NBEA: variants seen among roughly 807,000 people sequenced by gnomAD.
NBEA encodes the protein lysosomal-trafficking regulator 2.
NBEA carries 44 observed loss-of-function variants against 343.4 expected under a neutral mutation model. The observed-to-expected ratio is 0.13, with a 90% confidence interval of 0.10 to 0.16. NBEA has a LOEUF of 0.16. Ranked by LOEUF, NBEA falls within the 10% of genes least tolerant of loss-of-function variation. The pLI, the probability that NBEA is intolerant of heterozygous loss-of-function variation, is 1.00. For missense variants in NBEA, 2,555 were observed against 3,631.3 expected, an observed-to-expected ratio of 0.70 and a Z score of 7.62; for synonymous variants, 1,175 against 1,238.7, an observed-to-expected ratio of 0.95 and a Z score of 1.08.
intron 38 of NBEA, among the ~76,000 whole-genome samples, chr13:35,430,111 C>A (rs760676066): frequency 1.2e-4 from 19 of 152,042 alleles, no homozygotes; most frequent in Non-Finnish European, 2.4e-4. Flanking sequence ...CTCACCACAT[C>A]CACACCAACA....
chr13:35,475,143 G>C (rs780546655), intron 41 of NBEA: 2 of 1,614,166 alleles, frequency 1.2e-6, no homozygotes, highest in South Asian at 2.2e-5. Context: ...CCAGAGCTGA[G>C]TGAGGTTTGC....
At position 35,638,434 on chromosome 13, in the gene NBEA, C is replaced by A. The variant is rs983724770; in HGVS notation, c.7618-7435C>A. On this transcript the variant is annotated intron_variant, in intron 49 of 58. Coordinates refer to ENST00000379939, the MANE Select transcript of NBEA (RefSeq NM_001385012.1). The stretch of plus-strand genomic sequence containing the variant: ...GTGCTCACCCAACAAGAGCTGTGGC[C>A]TTAGGTAGAGGAGTACTGGCCAGGC... Among the ~76,000 whole-genome samples the A allele has an allele frequency of 3.9e-5, 6 of 152,252 alleles. No homozygotes were observed. In the East Asian group the frequency reaches 9.7e-4, roughly 25 times the overall value.
At chr13:35,468,117 C>T (rs1204330686) in intron 40 of NBEA, among the ~76,000 whole-genome samples, 1 of 148,308 alleles carries the variant, frequency 6.7e-6, no homozygotes, top group Non-Finnish European at 1.5e-5. Context: ...CACCCCCCCC[C>T]CACTCCCCTC....
intron 45 of NBEA, among the ~76,000 whole-genome samples, chr13:35,582,772 T>G (rs960377303): frequency 3.3e-5 from 5 of 152,186 alleles, no homozygotes; most frequent in Non-Finnish European, 5.9e-5. Flanking sequence ...GACTTTTTAC[T>G]GCTGATGACC....
At chr13:35,388,213 T>A (rs1157693155) in intron 38 of NBEA, among the ~76,000 whole-genome samples, 1 of 152,146 alleles carries the variant, frequency 6.6e-6, no homozygotes. Context: ...ATGTACTCAT[T>A]TTGACGATAG....
intron 10 of NBEA, among the ~76,000 whole-genome samples, chr13:35,084,085 A>G (rs2064586910): frequency 6.6e-6 from 1 of 152,198 alleles, no homozygotes; most frequent in South Asian, 2.1e-4. Context: ...GCAAGTCCTT[A>G]GAGACCTAGA....
intron 34 of NBEA, among the ~76,000 whole-genome samples, chr13:35,241,274 C>G: frequency 6.6e-6 from 1 of 151,652 alleles, no homozygotes; most frequent in East Asian, 1.9e-4. Flanking sequence ...GAACAGATCC[C>G]ACATACATAT....
chr13:35,601,692 G>T (rs1275191962), intron 47 of NBEA, among the ~76,000 whole-genome samples: 2 of 148,084 alleles, frequency 1.4e-5, no homozygotes, highest in East Asian at 4.1e-4. Flanking sequence ...AACCTGGGAG[G>T]TGTAGGTTGC....
At chr13:35,099,303 A>G (rs2065513223) in intron 11 of NBEA, among the ~76,000 whole-genome samples, 1 of 144,962 alleles carries the variant, frequency 6.9e-6, no homozygotes, top group African/African-American at 2.6e-5. Flanking sequence ...GGTTCACGCC[A>G]TTCTCCTGCC....
Position 35,264,150 on chromosome 13 carries a change from T to C in NBEA, c.5777-26239T>C, listed in dbSNP as rs1299518520. Among the ~76,000 whole-genome samples the C allele has an allele frequency of 5.4e-5, 8 of 148,856 alleles. No individual in the cohort carries two copies. In the East Asian group the frequency reaches 1.6e-3, roughly 29 times the overall value. On this transcript the variant is annotated intron_variant, in intron 34 of 58. Transcript: ENST00000379939. ...AATAACTATATGCCAACAAATCGGA[T>C]ACCCTAGAAGAAATGAAAAAAAAAA...
intron 29 of NBEA, among the ~76,000 whole-genome samples, chr13:35,183,545 C>A (rs1041312961): frequency 6.6e-6 from 1 of 151,994 alleles, no homozygotes; most frequent in Admixed American, 6.6e-5. Flanking sequence ...ACTTTTAACA[C>A]ACAAACATGA....
intron 33 of NBEA, among the ~76,000 whole-genome samples, chr13:35,221,878 C>T (rs1443488515): frequency 6.6e-6 from 1 of 152,112 alleles, no homozygotes; most frequent in Non-Finnish European, 1.5e-5. Context: ...TCTACCAAAA[C>T]ATGTCCATGG....
chr13:35,407,098 T>A (rs1292946708), intron 38 of NBEA, among the ~76,000 whole-genome samples: 3 of 150,522 alleles, frequency 2.0e-5, no homozygotes, highest in Non-Finnish European at 4.4e-5. Context: ...TGGCTGGGAG[T>A]ACAGGCACCC....
intron 8 of NBEA, among the ~76,000 whole-genome samples, chr13:35,067,143 C>A (rs2063683230): frequency 6.6e-6 from 1 of 151,994 alleles, no homozygotes; most frequent in Non-Finnish European, 1.5e-5. Context: ...ATTATTACTT[C>A]ATATAATTGT....
intron 18 of NBEA, among the ~76,000 whole-genome samples, chr13:35,151,535 C>T (rs1282485715): frequency 1.5e-5 from 2 of 136,404 alleles, no homozygotes; most frequent in Admixed American, 7.8e-5. Context: ...AAGAGCAAAA[C>T]TCTGTCTCAA....
At chr13:35,010,585 A>G (rs2061449620) in intron 1 of NBEA, among the ~76,000 whole-genome samples, 1 of 149,326 alleles carries the variant, frequency 6.7e-6, no homozygotes, top group South Asian at 2.1e-4. Context: ...TCAAAAAAAA[A>G]AAAAAAAAAT....
intron 17 of NBEA, among the ~76,000 whole-genome samples, chr13:35,140,220 C>T (rs1477130390): frequency 6.6e-6 from 1 of 151,554 alleles, no homozygotes; most frequent in Non-Finnish European, 1.5e-5. Context: ...TGCTGTGTTG[C>T]CCAGGCTTAT....
chr13:35,604,381 A>G (rs9544781), intron 47 of NBEA, among the ~76,000 whole-genome samples: 3,803 of 151,758 alleles, frequency 0.025, 56 homozygotes, highest in Non-Finnish European at 0.029. Context: ...TTTATTGTTG[A>G]TACACATTTG....
intron 41 of NBEA, among the ~76,000 whole-genome samples, chr13:35,496,008 T>C (rs918054210): frequency 2.6e-5 from 4 of 152,000 alleles, no homozygotes; most frequent in Non-Finnish European, 5.9e-5. Context: ...CTAAGAAGCC[T>C]GTCGTTTATA....
Sources: allele counts gnomAD v4.1 joint callset (sites outside exome capture counted in the v4.1 genomes callset), GRCh38; gene constraint gnomAD v4.1.1; transcripts MANE v1.5; gene names NCBI Gene and HGNC (gene_info 2026-07-23, HGNC 2026-07-21).